Variants in PATJ observed in about 807,000 individuals in gnomAD.
PATJ encodes the protein PATJ crumbs cell polarity complex component, also known as inaD-like protein.
PATJ carries 190 observed loss-of-function variants against 224.9 expected under a neutral mutation model. The ratio of observed to expected loss-of-function variants is 0.84; its 90% CI spans 0.75 to 0.95. The LOEUF is 0.95. Ranked by LOEUF, PATJ falls within the 40% of genes least tolerant of loss-of-function variation. The pLI is 0.00. For missense variants in PATJ, 2,121 were observed against 2,270.3 expected, an observed-to-expected ratio of 0.93 and a Z score of 1.34; for synonymous variants, 769 against 820.3, an observed-to-expected ratio of 0.94 and a Z score of 1.07.
At chr1:61,903,484 TAGTC>T (rs748971782) in intron 24 of PATJ, among the ~76,000 whole-genome samples, 4 of 152,180 alleles carry the variant, frequency 2.6e-5, no homozygotes, top group Non-Finnish European at 4.4e-5. Flanking sequence ...CATATAATAA[TAGTC>T]AGTTAGATAA....
At chr1:62,041,432 G>A (rs1019960869) in intron 30 of PATJ, among the ~76,000 whole-genome samples, 3 of 152,146 alleles carry the variant, frequency 2.0e-5, no homozygotes, top group South Asian at 4.1e-4. Flanking sequence ...ATGGTAAAAG[G>A]CAAAAGCTCC....
intron 28 of PATJ, among the ~76,000 whole-genome samples, chr1:62,008,960 A>G (rs955641487): frequency 6.6e-6 from 1 of 152,132 alleles, no homozygotes; most frequent in Non-Finnish European, 1.5e-5. Flanking sequence ...AAAGATAAAG[A>G]CATGTCTACA....
chr1:61,834,574 T>C (rs1659871436), intron 17 of PATJ, among the ~76,000 whole-genome samples: 1 of 152,172 alleles, frequency 6.6e-6, no homozygotes, highest in Non-Finnish European at 1.5e-5. Context: ...ATGCATATTT[T>C]ACTACTTTGG....
At chr1:61,918,361 G>A (rs566109068) in intron 26 of PATJ, among the ~76,000 whole-genome samples, 60 of 143,916 alleles carry the variant, frequency 4.2e-4, no homozygotes, top group African/African-American at 1.4e-3. Flanking sequence ...AGGCTGGAGT[G>A]AAGTGGCATG....
chr1:62,148,467 A>C, intron 42 of PATJ, 77 bp downstream of exon 42: 1 of 1,012,784 alleles, frequency 9.9e-7, no homozygotes, highest in Non-Finnish European at 1.6e-6. Flanking sequence ...ACTCAAGTGC[A>C]CTCTAAAGGA....
intron 28 of PATJ, among the ~76,000 whole-genome samples, chr1:62,004,606 C>T (rs957155516): frequency 6.6e-5 from 10 of 152,284 alleles, no homozygotes; most frequent in Admixed American, 2.6e-4. Context: ...ATTTCTTAAA[C>T]TCACTGTGCC....
At chr1:61,909,792 T>C (rs949547360) in intron 25 of PATJ, among the ~76,000 whole-genome samples, 1 of 152,234 alleles carries the variant, frequency 6.6e-6, no homozygotes, top group Non-Finnish European at 1.5e-5. Context: ...ATAATACTTA[T>C]ATGGCAAACT....
chr1:62,065,549 A>T (rs1193568089), intron 31 of PATJ, among the ~76,000 whole-genome samples: 1 of 152,172 alleles, frequency 6.6e-6, no homozygotes, highest in Non-Finnish European at 1.5e-5. Context: ...CAGAGGTTGC[A>T]GTGAGCCAAG....
chr1:61,777,957 GC>G (rs1400798091), intron 7 of PATJ, among the ~76,000 whole-genome samples: 2 of 151,916 alleles, frequency 1.3e-5, no homozygotes, highest in Admixed American at 1.3e-4. Context: ...TTGGCTGACT[GC>G]AGCCTCTGCC....
Position 61,766,349 on chromosome 1 carries a change from A to T in PATJ, c.260A>T (p.Asp87Val). The T allele has an allele frequency of 6.2e-7, 1 of 1,611,786 alleles. No individual in the cohort carries two copies. Among genetic ancestry groups the T allele is most frequent in the Middle Eastern group, 1.7e-4 (1 of 6,052 alleles). ...AGGAAAGGTTTGTTAGTGTTCACAG[A>T]TGGTTCCATCACTAATGGAAATGTC... is the stretch of plus-strand genomic sequence containing the variant. ...FSRKGLLVFT[D>V]GSITNGNVHR... The change falls in exon 4 of 44, where the codon GAT (aspartate) becomes GTT (valine). Residue 87 changes from aspartate (D) to valine (V), a missense_variant. By Grantham distance (152) the Asp-to-Val change is radical. Coordinates refer to ENST00000642238, the MANE Select transcript of PATJ (RefSeq NM_001350145.3).
chr1:61,976,273 A>G (rs1644125176), intron 27 of PATJ, among the ~76,000 whole-genome samples: 1 of 152,046 alleles, frequency 6.6e-6, no homozygotes, highest in Non-Finnish European at 1.5e-5. Flanking sequence ...GACAGACCCA[A>G]ACCTGAAACC....
chr1:62,061,865 T>G (rs1056216723), intron 31 of PATJ, among the ~76,000 whole-genome samples: 5 of 151,998 alleles, frequency 3.3e-5, no homozygotes, highest in African/African-American at 1.2e-4. Context: ...TTCACCGTGT[T>G]AGCCAGGATG....
intron 15 of PATJ, among the ~76,000 whole-genome samples, chr1:61,826,752 T>G (rs1009676600): frequency 6.6e-6 from 1 of 152,200 alleles, no homozygotes; most frequent in Admixed American, 6.5e-5. Context: ...ATTTTAAAAA[T>G]TATTTTAGTA....
At chr1:61,854,874 A>C (rs1230068882) in intron 17 of PATJ, among the ~76,000 whole-genome samples, 1 of 152,236 alleles carries the variant, frequency 6.6e-6, no homozygotes, top group Non-Finnish European at 1.5e-5. Context: ...GTTTAATATC[A>C]AGAAATATGG....
chr1:62,078,233 T>C (rs1658653439), intron 31 of PATJ, among the ~76,000 whole-genome samples: 1 of 152,222 alleles, frequency 6.6e-6, no homozygotes, highest in Admixed American at 6.5e-5. Flanking sequence ...CTTAACTGCC[T>C]GTTAAATAAG....
At chr1:61,981,318 C>T (rs1644436736) in intron 27 of PATJ, among the ~76,000 whole-genome samples, 1 of 151,864 alleles carries the variant, frequency 6.6e-6, no homozygotes, top group Non-Finnish European at 1.5e-5. Flanking sequence ...TAAACCTTAC[C>T]CCAGAAAACC....
chr1:61,993,973 A>C (rs1012375995), intron 28 of PATJ, among the ~76,000 whole-genome samples: 3 of 152,148 alleles, frequency 2.0e-5, no homozygotes, highest in African/African-American at 2.4e-5. Flanking sequence ...TTTCATCTTC[A>C]TTCAGAGATG....
At chr1:62,109,339 G>A (rs942819848) in intron 34 of PATJ, among the ~76,000 whole-genome samples, 1 of 151,910 alleles carries the variant, frequency 6.6e-6, no homozygotes, top group Non-Finnish European at 1.5e-5. Flanking sequence ...TTTCCCTTTG[G>A]TGGTTCATTT....
intron 17 of PATJ, 132 bp downstream of exon 17, chr1:61,833,917 T>G (rs1323342859): frequency 4.4e-6 from 3 of 689,186 alleles, no homozygotes; most frequent in Non-Finnish European, 7.1e-6. Context: ...ATTATACTAC[T>G]TTCAATTGTT....
Sources: allele counts gnomAD v4.1 joint callset (sites outside exome capture counted in the v4.1 genomes callset), GRCh38; gene constraint gnomAD v4.1.1; transcripts MANE v1.5; gene names NCBI Gene and HGNC (gene_info 2026-07-23, HGNC 2026-07-21).